Variants in PPFIA1 observed in about 807,000 individuals in gnomAD.
PPFIA1 encodes PPFI scaffold protein A1.
PPFIA1 carries 25 observed loss-of-function variants against 149.9 expected under a neutral mutation model. The observed-to-expected ratio is 0.17, with a 90% confidence interval of 0.12 to 0.23. The LOEUF is 0.23. Ranked by LOEUF, PPFIA1 falls within the 10% of genes least tolerant of loss-of-function variation. The probability of loss-of-function intolerance (pLI) is 1.00; values close to 1 mark genes in which losing one functional copy is unlikely to be tolerated. For synonymous variants in PPFIA1, 549 were observed against 552.8 expected, an observed-to-expected ratio of 0.99 and a Z score of 0.10; for missense variants, 1,362 against 1,506.5, an observed-to-expected ratio of 0.90 and a Z score of 1.59.
At chr11:70,322,266 T>C (rs1297006970) in intron 2 of PPFIA1, among the ~76,000 whole-genome samples, 1 of 152,202 alleles carries the variant, frequency 6.6e-6, no homozygotes, top group African/African-American at 2.4e-5. Flanking sequence ...ACGAACCCCT[T>C]CATGAGATGA....
Position 70,326,309 on chromosome 11 carries a change from TGGAGTG to T in PPFIA1, c.655_660del (p.Gly219_Val220del), listed in dbSNP as rs2054282225. ...ATAATCAGAAAAAAACTCTAACAGA[TGGAGTG>T]CTGGACATAAACCATGAACAAGAAA... On this transcript the variant is annotated inframe_deletion, in exon 6 of 28. Transcript: ENST00000253925. 6.2e-7 allele frequency: 1 copy of T among 1,609,868 alleles called. No individual in the cohort carries two copies. Among genetic ancestry groups the T allele is most frequent in the Non-Finnish European group, 8.5e-7 (1 of 1,177,478 alleles).
At position 70,376,524 on chromosome 11, in the gene PPFIA1, T is replaced by A; in HGVS notation, c.3316-8T>A. 2 of 1,610,820 alleles carry A rather than the reference T, an allele frequency of 1.2e-6. No homozygotes were observed. The highest frequency in any genetic ancestry group is 8.5e-7 in the Non-Finnish European group (1 of 1,176,976). On this transcript the variant is annotated splice_region_variant and splice_polypyrimidine_tract_variant and intron_variant, in intron 24 of 27. Transcript: ENST00000253925. ...AAAGTTTTATTTGTTTTTCTTTGGTTATTTCAGGCTCGTGCTGTCTTGGAA... is the reference window on the plus strand; with the variant it reads ...AAAGTTTTATTTGTTTTTCTTTGGTAATTTCAGGCTCGTGCTGTCTTGGAA...
chr11:70,382,466 C>T (rs868001770), intron 27 of PPFIA1, among the ~76,000 whole-genome samples: 1 of 152,014 alleles, frequency 6.6e-6, no homozygotes, highest in Non-Finnish European at 1.5e-5. Flanking sequence ...GGGAGGAGAG[C>T]AGAGCATGGC....
At chr11:70,332,198 G>T in intron 9 of PPFIA1, 104 bp downstream of exon 9, 3 of 1,366,388 alleles carry the variant, frequency 2.2e-6, no homozygotes, top group South Asian at 3.3e-5. Context: ...ACCTAAATCC[G>T]TGGAAGAGCA....
Position 70,338,447 on chromosome 11 carries a change from A to G in PPFIA1, c.1565A>G (p.His522Arg), listed in dbSNP as rs1042331147. Residue 522 changes from histidine (H) to arginine (R), a missense_variant, in exon 13 of 28, where the codon CAT becomes CGT. Around this residue, in one of 7 missense-constraint regions of PPFIA1, gnomAD observed 733 missense variants for 744.1 expected, o/e 0.99. Transcript: ENST00000253925. ...DHMRLRGASL[H>R]HGRPHLGSVP... ...ATGAGACTAAGAGGTGCTTCACTTC[A>G]TCATGGGTATGGTATTAACCAGTGA... The G allele has an allele frequency of 3.1e-6, 5 of 1,608,310 alleles. No individual in the cohort carries two copies. Among genetic ancestry groups the G allele is most frequent in the Non-Finnish European group, 4.3e-6 (5 of 1,174,840 alleles).
intron 2 of PPFIA1, among the ~76,000 whole-genome samples, chr11:70,290,399 G>T (rs978371735): frequency 1.3e-5 from 2 of 152,190 alleles, no homozygotes; most frequent in African/African-American, 4.8e-5. Flanking sequence ...CCCGGTTTTT[G>T]CCTGTTATCC....
At chr11:70,358,213 T>C (rs2056449285) in intron 19 of PPFIA1, 1 of 152,162 alleles carries the variant, frequency 6.6e-6, no homozygotes, top group South Asian at 2.1e-4. Context: ...TTAGAAAAAG[T>C]GCTTTATTTA....
intron 7 of PPFIA1, chr11:70,327,565 A>G (rs2054384239): frequency 6.6e-6 from 1 of 152,276 alleles, no homozygotes; most frequent in Non-Finnish European, 1.5e-5. Flanking sequence ...AGGTCAGGAG[A>G]TCGAGACCAT....
intron 2 of PPFIA1, among the ~76,000 whole-genome samples, chr11:70,296,208 A>C (rs1591097770): frequency 6.7e-6 from 1 of 148,882 alleles, no homozygotes; most frequent in Non-Finnish European, 1.5e-5. Flanking sequence ...CTCGGCAGCC[A>C]GGCAGAGGGG....
intron 2 of PPFIA1, among the ~76,000 whole-genome samples, chr11:70,304,532 C>G (rs1340878388): frequency 1.3e-5 from 2 of 152,164 alleles, no homozygotes; most frequent in Admixed American, 1.3e-4. Flanking sequence ...CTGTGAGCTG[C>G]TGCAGCAAAT....
chr11:70,312,658 T>C (rs2136549765), intron 2 of PPFIA1, among the ~76,000 whole-genome samples: 2 of 152,332 alleles, frequency 1.3e-5, no homozygotes, highest in Middle Eastern at 3.4e-3. Context: ...TCGTGGAGCC[T>C]GCGTGTTTTG....
chr11:70,366,810 A>C (rs2056966156), intron 21 of PPFIA1, among the ~76,000 whole-genome samples: 3 of 152,138 alleles, frequency 2.0e-5, no homozygotes, highest in Admixed American at 1.3e-4. Flanking sequence ...TACTCCTAAA[A>C]TCTAGCTCAT....
At chr11:70,274,528 T>C (rs1409888993) in intron 2 of PPFIA1, among the ~76,000 whole-genome samples, 2 of 152,226 alleles carry the variant, frequency 1.3e-5, no homozygotes, top group East Asian at 3.8e-4. Flanking sequence ...ATAATCTGTA[T>C]GTTTTGCTTC....
chr11:70,362,408 C>T lies in PPFIA1; in HGVS notation c.2785C>T (p.Leu929=), dbSNP rs1280595944. The part of the protein sequence containing the change: ...IQREIGISNP[L]HRLKLRLAIQ... ...GCGTGAGATTGGCATCAGCAACCCC[C>T]TGCACAGGCTGAAGCTGAGGCTGGC... Residue 929 remains leucine (L), a synonymous_variant, in exon 21 of 28, where the codon CTG becomes TTG. Transcript: ENST00000253925. 2.5e-6 allele frequency: 4 copies of T among 1,614,184 alleles called. No individual in the cohort carries two copies. The highest frequency in any genetic ancestry group is 1.7e-5 in the Admixed American group (1 of 60,024).
intron 21 of PPFIA1, among the ~76,000 whole-genome samples, chr11:70,364,073 C>T (rs1161323492): frequency 1.3e-5 from 2 of 152,060 alleles, no homozygotes; most frequent in Admixed American, 6.6e-5. Context: ...TTCCAGTTTG[C>T]GGACATTTTT....
At position 70,343,809 on chromosome 11, in the gene PPFIA1, G is replaced by A; in HGVS notation, c.1848G>A (p.Leu616=). 6.2e-7 allele frequency: 1 copy of A among 1,614,138 alleles called. No individual in the cohort carries two copies. The highest frequency in any genetic ancestry group is 8.5e-7 in the Non-Finnish European group (1 of 1,180,042). Residue 616 remains leucine, a synonymous_variant, in exon 15 of 28, where the codon CTG becomes CTA. Transcript: ENST00000253925. ...ACACTCTCCTCAGCTCAGTTGACCT[G>A]CTATCGCCCAGCGGGCAGGCCGACG... The part of the protein sequence containing the change: ...DRDTLLSSVD[L]LSPSGQADAH...
chr11:70,296,245 C>T (rs1356953123), intron 2 of PPFIA1, among the ~76,000 whole-genome samples: 2 of 152,060 alleles, frequency 1.3e-5, no homozygotes, highest in African/African-American at 4.8e-5. Context: ...CGATGGGCGG[C>T]CAGGCAGAGA....
At chr11:70,370,412 A>C (rs1241397070) in intron 21 of PPFIA1, among the ~76,000 whole-genome samples, 1 of 150,310 alleles carries the variant, frequency 6.7e-6, no homozygotes, top group Non-Finnish European at 1.5e-5. Context: ...TTTGAGACAG[A>C]GTCTCGCTCT....
Position 70,338,462 on chromosome 11 carries a change from TTAACC to T in PPFIA1, c.1571+10_1571+14del, listed in dbSNP as rs757671980. 85 of 1,599,602 alleles carry T rather than the reference TTAACC, an allele frequency of 5.3e-5. No homozygotes were observed. In the Admixed American group the frequency reaches 1.2e-3, roughly 23 times the overall value. ...GCTTCACTTCATCATGGGTATGGTATTAACCAGTGAGCAGCCATATTGTCAGCACC... is the reference window on the plus strand; with the variant it reads ...GCTTCACTTCATCATGGGTATGGTATAGTGAGCAGCCATATTGTCAGCACC... On this transcript the variant is annotated intron_variant, in intron 13 of 27. Coordinates refer to ENST00000253925, the MANE Select transcript of PPFIA1 (RefSeq NM_003626.5).
Sources: allele counts gnomAD v4.1 joint callset (sites outside exome capture counted in the v4.1 genomes callset), GRCh38; gene constraint gnomAD v4.1.1; regional missense constraint gnomAD v4.1.1; transcripts MANE v1.5; gene names NCBI Gene and HGNC (gene_info 2026-07-23, HGNC 2026-07-21).